TNS3: variants seen among roughly 807,000 people sequenced by gnomAD.
TNS3 encodes tensin 3, also known as tensin-3.
TNS3 carries 45 observed loss-of-function variants against 140.9 expected under a neutral mutation model. The ratio of observed to expected loss-of-function variants is 0.32; its 90% CI spans 0.25 to 0.41. The LOEUF (loss-of-function observed/expected upper bound fraction) is 0.41, where lower values mean the gene tolerates loss of function less well. TNS3 is among the 10% of genes least tolerant of loss of function. The pLI, the probability that TNS3 is intolerant of heterozygous loss-of-function variation, is 1.00. For missense variants in TNS3, 1,716 were observed against 1,906.7 expected, an observed-to-expected ratio of 0.90 and a Z score of 1.86; for synonymous variants, 815 against 788.4, an observed-to-expected ratio of 1.03 and a Z score of -0.56.
intron 1 of TNS3, among the ~76,000 whole-genome samples, chr7:47,557,443 A>T (rs1800224870): frequency 6.6e-6 from 1 of 152,182 alleles, no homozygotes; most frequent in Non-Finnish European, 1.5e-5. Context: ...TCTTTCAAAT[A>T]CAGGAAAGGA....
In TNS3 at chr7:47,277,756, C is replaced by A; in HGVS notation, c.*320G>T. ...GCTAGTGTGCCAGGGACATGGGGAC[C>A]ACCTCGTGTTCTGTGCTGTTTCCTT... On this transcript the variant is annotated 3_prime_UTR_variant, in exon 31 of 31. Coordinates refer to ENST00000311160, the MANE Select transcript of TNS3 (RefSeq NM_022748.12). 1 of 391,742 alleles carries A rather than the reference C, an allele frequency of 2.6e-6. No homozygotes were observed. The highest frequency in any genetic ancestry group is 4.8e-6 in the Non-Finnish European group (1 of 206,840). 24.3% of individuals were successfully genotyped at this position (391,742 alleles called of 1,614,324 possible).
chr7:47,486,729 T>C (rs1797627979), intron 3 of TNS3, among the ~76,000 whole-genome samples: 1 of 152,222 alleles, frequency 6.6e-6, no homozygotes, highest in Non-Finnish European at 1.5e-5. Flanking sequence ...GTTTTCCTTT[T>C]GATGAACACA....
intron 4 of TNS3, among the ~76,000 whole-genome samples, chr7:47,477,209 G>A (rs1797229517): frequency 6.6e-6 from 1 of 152,132 alleles, no homozygotes; most frequent in African/African-American, 2.4e-5. Context: ...AGGGAATTAG[G>A]CCCAGGGGTT....
chr7:47,496,068 A>G (rs1292846954), intron 3 of TNS3, among the ~76,000 whole-genome samples: 2 of 152,180 alleles, frequency 1.3e-5, no homozygotes, highest in Admixed American at 6.5e-5. Flanking sequence ...AGAAGCCCAG[A>G]GGTGAAGAGG....
chr7:47,465,440 C>T (rs1321932010), intron 4 of TNS3, among the ~76,000 whole-genome samples: 3 of 152,184 alleles, frequency 2.0e-5, no homozygotes, highest in Non-Finnish European at 4.4e-5. Context: ...ACATCATCTG[C>T]GCCCTGCACA....
chr7:47,288,596 C>T (rs547131250), intron 27 of TNS3, among the ~76,000 whole-genome samples: 1 of 152,256 alleles, frequency 6.6e-6, no homozygotes, highest in Non-Finnish European at 1.5e-5. Context: ...TTCACTGGGA[C>T]CCACAGACAG....
intron 13 of TNS3, among the ~76,000 whole-genome samples, chr7:47,409,381 C>G (rs958057193): frequency 1.3e-5 from 2 of 151,854 alleles, no homozygotes; most frequent in African/African-American, 4.8e-5. Flanking sequence ...ATAAACAGCC[C>G]AGGGGAGAGG....
At chr7:47,544,700 T>C (rs1261552885) in intron 1 of TNS3, among the ~76,000 whole-genome samples, 3 of 151,930 alleles carry the variant, frequency 2.0e-5, no homozygotes, top group Non-Finnish European at 4.4e-5. Flanking sequence ...AGGTCCAGCT[T>C]ACAGACCTAC....
chr7:47,571,572 A>G (rs181339364), intron 1 of TNS3, among the ~76,000 whole-genome samples: 3 of 152,386 alleles, frequency 2.0e-5, no homozygotes, highest in Admixed American at 2.0e-4. Flanking sequence ...AAGGAGAGGC[A>G]GTACCTCCAG....
At chr7:47,505,306 C>A (rs1010686773) in intron 3 of TNS3, among the ~76,000 whole-genome samples, 5 of 152,244 alleles carry the variant, frequency 3.3e-5, no homozygotes, top group African/African-American at 7.2e-5. Flanking sequence ...TGCTCCCACA[C>A]CACTGAAGGT....
At chr7:47,458,652 T>C (rs1399526667) in intron 4 of TNS3, among the ~76,000 whole-genome samples, 1 of 152,176 alleles carries the variant, frequency 6.6e-6, no homozygotes, top group Non-Finnish European at 1.5e-5. Context: ...GCCTTCTGCA[T>C]GAGGAACAAG....
At position 47,400,830 on chromosome 7, in the gene TNS3, A is replaced by G; in HGVS notation, c.808T>C (p.Tyr270His). ...TCCTCCTTCCCAAACACCAGCCCGT[A>G]GCCCTGCACAGCCCCAGTGTGAAAC... ...LQFHTGAVQG[Y>H]GLVFGKEDLD... The change falls in exon 14 of 31, where the codon TAC (tyrosine) becomes CAC (histidine). Residue 270 changes from tyrosine (Y) to histidine (H), a missense_variant. Around this residue, in one of 3 missense-constraint regions of TNS3, gnomAD observed 337 missense variants for 428.9 expected, o/e 0.79. Coordinates refer to ENST00000311160, the MANE Select transcript of TNS3 (RefSeq NM_022748.12). The G allele has an allele frequency of 6.2e-7, 1 of 1,614,250 alleles. No individual in the cohort carries two copies. The highest frequency in any genetic ancestry group is 8.5e-7 in the Non-Finnish European group (1 of 1,180,034).
At chr7:47,345,088 G>A (rs770085516) in intron 18 of TNS3, 50 bp from the exon 19 acceptor site, 1 of 1,468,578 alleles carries the variant, frequency 6.8e-7, no homozygotes, top group Non-Finnish European at 9.5e-7. Flanking sequence ...TCAAGTGAAG[G>A]CCCCTCCAAA....
chr7:47,469,973 CAAA>C (rs144012426), intron 4 of TNS3, among the ~76,000 whole-genome samples: 22 of 64,900 alleles, frequency 3.4e-4, no homozygotes, highest in African/African-American at 1.6e-3. Flanking sequence ...AACTCTGTCT[CAAA>C]AAAAAAAAAA....
At chr7:47,418,305 T>A (rs149216688) in intron 10 of TNS3, among the ~76,000 whole-genome samples, 2,012 of 151,824 alleles carry the variant, frequency 0.013, 32 homozygotes, top group African/African-American at 0.045. Context: ...TGTCTCAAAG[T>A]AAAAAAAGAA....
chr7:47,495,038 T>G (rs765215826), intron 3 of TNS3, among the ~76,000 whole-genome samples: 2 of 151,750 alleles, frequency 1.3e-5, no homozygotes, highest in Non-Finnish European at 2.9e-5. Flanking sequence ...GCCAGCGGTT[T>G]GATTAGAAAC....
intron 4 of TNS3, among the ~76,000 whole-genome samples, chr7:47,471,206 G>A (rs184060932): frequency 1.6e-4 from 24 of 152,330 alleles, no homozygotes; most frequent in African/African-American, 4.6e-4. Flanking sequence ...GAGAAGGGGT[G>A]AGGGTGGGGG....
intron 16 of TNS3, among the ~76,000 whole-genome samples, chr7:47,384,919 G>A (rs757348652): frequency 7.9e-5 from 12 of 152,176 alleles, no homozygotes; most frequent in Non-Finnish European, 1.6e-4. Flanking sequence ...ACAGTGTGGC[G>A]TCCACACATC....
At chr7:47,381,372 G>T (rs73326552) in intron 16 of TNS3, among the ~76,000 whole-genome samples, 1 of 152,198 alleles carries the variant, frequency 6.6e-6, no homozygotes, top group African/African-American at 2.4e-5. Context: ...CACGTTCTGT[G>T]TTCAGTGTAG....
Sources: allele counts gnomAD v4.1 joint callset (sites outside exome capture counted in the v4.1 genomes callset), GRCh38; gene constraint gnomAD v4.1.1; regional missense constraint gnomAD v4.1.1; transcripts MANE v1.5; gene names NCBI Gene and HGNC (gene_info 2026-07-23, HGNC 2026-07-21).